Variants in CP observed in about 807,000 individuals in gnomAD.
CP encodes ceruloplasmin, also known as caeruloplasmin.
Under a neutral mutation model 122.4 loss-of-function variants are expected in CP, and 64 were observed. That is an observed-to-expected ratio of 0.52 (90% CI 0.43 to 0.64). The LOEUF is 0.64. Ranked by LOEUF, CP falls within the 30% of genes least tolerant of loss-of-function variation. The pLI, the probability that CP is intolerant of heterozygous loss-of-function variation, is 0.00. For synonymous variants in CP, 440 were observed against 436.4 expected, an observed-to-expected ratio of 1.01 and a Z score of -0.10; for missense variants, 1,167 against 1,284.4, an observed-to-expected ratio of 0.91 and a Z score of 1.40.
chr3:149,218,202 A>G (rs1728587730), intron 1 of CP, among the ~76,000 whole-genome samples: 1 of 152,224 alleles, frequency 6.6e-6, no homozygotes, highest in Non-Finnish European at 1.5e-5. Context: ...TTGCTATTAT[A>G]TAGTCAATTA....
At chr3:149,189,579 A>G (rs2108248678) in intron 9 of CP, among the ~76,000 whole-genome samples, 1 of 152,026 alleles carries the variant, frequency 6.6e-6, no homozygotes, top group South Asian at 2.1e-4. Context: ...AAGTTATGAA[A>G]CGAAAAAATC....
intron 4 of CP, 88 bp downstream of exon 4, chr3:149,209,123 G>A (rs1727937004): frequency 2.0e-6 from 3 of 1,512,864 alleles, no homozygotes. Flanking sequence ...TAGACACACA[G>A]TACTTATTTA....
At chr3:149,195,857 C>G (rs1054348042) in intron 9 of CP, among the ~76,000 whole-genome samples, 2 of 140,526 alleles carry the variant, frequency 1.4e-5, no homozygotes, top group Non-Finnish European at 3.0e-5. Flanking sequence ...CAGAGCGAGA[C>G]ACCGTCTCAA....
At chr3:149,221,555 T>A (rs1255499720) in intron 1 of CP, 92 bp downstream of exon 1, 1 of 1,254,944 alleles carries the variant, frequency 8.0e-7, no homozygotes, top group Non-Finnish European at 1.1e-6. Flanking sequence ...TTTCTGTATA[T>A]AAGAAATTTT....
At chr3:149,164,812 C>T (rs1724244833) in intron 5 of CP, among the ~76,000 whole-genome samples, 1 of 152,296 alleles carries the variant, frequency 6.6e-6, no homozygotes, top group African/African-American at 2.4e-5. Context: ...GGCATCCTGA[C>T]CCAAATGCTG....
downstream of CP, chr3:149,167,890 T>C: frequency 2.6e-6 from 4 of 1,567,088 alleles, no homozygotes; most frequent in Non-Finnish European, 3.5e-6. Context: ...TTTCCTAAGA[T>C]AGACTCTGTG....
intron 10 of CP, 83 bp from the exon 11 acceptor site, chr3:149,186,815 TG>T: frequency 7.4e-7 from 1 of 1,356,858 alleles, no homozygotes; most frequent in Non-Finnish European, 1.0e-6. Context: ...GGACCAACTT[TG>T]TTTTTTTAAT....
chr3:149,181,974 G>GGGGGGGGGGGGC, intron 14 of CP, 31 bp downstream of exon 14: 7 of 1,356,688 alleles, frequency 5.2e-6, no homozygotes, highest in Non-Finnish European at 7.3e-6. Flanking sequence ...CTGTTAAAAT[G>GGGGGGGGGGGGC]CACCACCCCC....
rs1728021101 is a variant in CP, at chr3:149,210,265, C to T, written c.509G>A (p.Gly170Glu). 6.2e-7 allele frequency: 1 copy of T among 1,614,018 alleles called. No homozygotes were observed. The highest frequency in any genetic ancestry group is 1.3e-5 in the African/African-American group (1 of 75,034). The change falls in exon 3 of 19, where the codon GGA becomes GAA. Residue 170 changes from glycine to glutamate, a missense_variant. By Grantham distance (98) the Gly-to-Glu change is moderately conservative. Around this residue, in one of 2 missense-constraint regions of CP, gnomAD observed 642 missense variants for 627.3 expected, o/e 1.02. Coordinates refer to ENST00000264613, the MANE Select transcript of CP (RefSeq NM_000096.4). ...LATEEQSPGE[G>E]DGNCVTRIYH... The stretch of plus-strand genomic sequence containing the variant: ...AATCCTAGTCACACAATTGCCATCT[C>T]CTTCCCCAGGACTTTGTTCTTCAGT...
rs752255675 is a variant in CP at position 149,178,677 on chromosome 3, G to T, written c.2662-46C>A. ...CAGTAACCCTTGTGAATTAGGTCAG[G>T]ATTTCAGAGAACTGAGACTTTGCAC... On this transcript the variant is annotated intron_variant, in intron 15 of 18. Transcript: ENST00000264613. 2.9e-6 allele frequency: 4 copies of T among 1,372,142 alleles called. No homozygotes were observed. In the African/African-American group the frequency reaches 5.8e-5, roughly 20 times the overall value. The allele number at this position is 1,372,142 out of a possible 1,614,324, so 85.0% of individuals were successfully genotyped here.
At chr3:149,168,011 A>G, downstream of CP, 1 of 1,270,966 alleles carries the variant, frequency 7.9e-7, no homozygotes, top group Non-Finnish European at 1.2e-6. Context: ...TTGCTTGATT[A>G]TAAACTTAAG....
At chr3:149,208,695 C>A (rs1005490241) in intron 4 of CP, among the ~76,000 whole-genome samples, 2 of 151,902 alleles carry the variant, frequency 1.3e-5, no homozygotes, top group South Asian at 2.1e-4. Context: ...AAGAAAAAGT[C>A]TAAACTGTAA....
At position 149,206,363 on chromosome 3, in the gene CP, T is replaced by C. The variant is rs368450155; in HGVS notation, c.1037-24A>G. 48 of 1,613,410 alleles carry C rather than the reference T, an allele frequency of 3.0e-5. No homozygotes were observed. The African/African-American group carries it at 3.3e-4, about 11-fold the overall frequency. On this transcript the variant is annotated intron_variant, in intron 5 of 18. Coordinates refer to ENST00000264613, the MANE Select transcript of CP (RefSeq NM_000096.4). ...GGCTGAAATGAAACAGAAAGAGGCA[T>C]TGATTAATGAAGACAATGTTTCTCT...
At chr3:149,178,725 G>T in intron 15 of CP, 94 bp from the exon 16 acceptor site, 1 of 868,788 alleles carries the variant, frequency 1.2e-6, no homozygotes, top group Non-Finnish European at 1.9e-6. Flanking sequence ...GAATTTTGGA[G>T]AGACCAATTG....
chr3:149,207,896 A>T (rs897909086), intron 4 of CP, among the ~76,000 whole-genome samples: 1 of 152,180 alleles, frequency 6.6e-6, no homozygotes, highest in African/African-American at 2.4e-5. Flanking sequence ...AACTGTACAC[A>T]TTGTGTGTGT....
Position 149,198,448 on chromosome 3 carries a change from T to A in CP, c.1632A>T (p.Glu544Asp), listed in dbSNP as rs701753. 0.92 allele frequency: 1,488,503 copies of A among 1,609,336 alleles called. 691,101 individuals are homozygous for A. Among genetic ancestry groups the A allele is most frequent in the East Asian group, 1 (44,852 of 44,864 alleles). The stretch of plus-strand genomic sequence containing the variant: ...GCCCAGTGAATATATCTTTAGTGGG[T>A]TCCACAGCAGAATAATACATCTTAG... ...CLAKMYYSAV[E>D]PTKDIFTGLI... The change falls in exon 9 of 19, where the codon GAA (glutamate) becomes GAT (aspartate). Residue 544 changes from glutamate to aspartate, a missense_variant. Coordinates refer to ENST00000264613, the MANE Select transcript of CP (RefSeq NM_000096.4).
intron 1 of CP, among the ~76,000 whole-genome samples, chr3:149,217,466 T>A (rs1187602375): frequency 2.0e-5 from 3 of 152,050 alleles, no homozygotes; most frequent in African/African-American, 7.2e-5. Flanking sequence ...ACTTTACCAA[T>A]CAGAAGCCGC....
chr3:149,186,846 G>T (rs1576743279), intron 10 of CP, 114 bp from the exon 11 acceptor site: 2 of 884,812 alleles, frequency 2.3e-6, no homozygotes, highest in Non-Finnish European at 3.7e-6. Flanking sequence ...ACCTATTCAG[G>T]CTTGCCCACG....
intron 6 of CP, among the ~76,000 whole-genome samples, chr3:149,205,129 G>GA (rs1727613928): frequency 6.6e-6 from 1 of 150,980 alleles, no homozygotes; most frequent in Non-Finnish European, 1.5e-5. Context: ...TAGTCATTAA[G>GA]AAAATGCAAA....
Sources: allele counts gnomAD v4.1 joint callset (sites outside exome capture counted in the v4.1 genomes callset), GRCh38; gene constraint gnomAD v4.1.1; regional missense constraint gnomAD v4.1.1; transcripts MANE v1.5; gene names NCBI Gene and HGNC (gene_info 2026-07-23, HGNC 2026-07-21).